Variants in SH3GL3 observed in about 807,000 individuals in gnomAD.
The protein encoded by SH3GL3 is endophilin-A3.
A neutral mutation model predicts 47.7 loss-of-function variants in SH3GL3; 33 were observed. That is an observed-to-expected ratio of 0.69 (90% CI 0.52 to 0.92). The LOEUF (loss-of-function observed/expected upper bound fraction) is 0.92, where lower values mean the gene tolerates loss of function less well. SH3GL3 is among the 40% of genes least tolerant of loss of function. The pLI, the probability that SH3GL3 is intolerant of heterozygous loss-of-function variation, is 0.00. For synonymous variants in SH3GL3, 155 were observed against 148.8 expected (o/e 1.04, Z -0.30); for missense variants, 363 against 417.8 (o/e 0.87, Z 1.14).
At chr15:83,493,796 A>C (rs1039706431) in intron 1 of SH3GL3, among the ~76,000 whole-genome samples, 1 of 152,310 alleles carries the variant, frequency 6.6e-6, no homozygotes, top group African/African-American at 2.4e-5. Flanking sequence ...CTGGAGACAG[A>C]GGTCAGGCCA....
the SH3GL3 span, among the ~76,000 whole-genome samples, chr15:83,631,563 C>T: frequency 6.6e-6 from 1 of 152,248 alleles, no homozygotes; most frequent in Non-Finnish European, 1.5e-5. Flanking sequence ...CCAGGCCCAA[C>T]ACCATGTGTA....
intron 1 of SH3GL3, among the ~76,000 whole-genome samples, 200 bp from the exon 2 acceptor site, chr15:83,559,053 T>C (rs551952943): frequency 3.9e-5 from 6 of 152,350 alleles, no homozygotes; most frequent in African/African-American, 1.2e-4. Flanking sequence ...ATAATAAATA[T>C]CTGTTGACTG....
At chr15:83,523,947 TA>T (rs3078535) in intron 1 of SH3GL3, among the ~76,000 whole-genome samples, 217 of 131,894 alleles carry the variant, frequency 1.6e-3, no homozygotes, top group Middle Eastern at 8.0e-3. Context: ...TTCAGCAATC[TA>T]AAAAAAAAAA....
chr15:83,584,267 C>A (rs1272738920), intron 6 of SH3GL3, among the ~76,000 whole-genome samples: 1 of 152,170 alleles, frequency 6.6e-6, no homozygotes, highest in African/African-American at 2.4e-5. Context: ...GTCATATCTT[C>A]TCTGACCTTG....
intron 8 of SH3GL3, among the ~76,000 whole-genome samples, chr15:83,617,474 C>T (rs1315051093): frequency 2.0e-5 from 3 of 152,138 alleles, no homozygotes; most frequent in South Asian, 2.1e-4. Flanking sequence ...GCCAGGAGTT[C>T]GAGACCAGAC....
At chr15:83,592,435 G>A (rs943717908) in intron 8 of SH3GL3, among the ~76,000 whole-genome samples, 1 of 152,228 alleles carries the variant, frequency 6.6e-6, no homozygotes. Flanking sequence ...CTACTCTTGG[G>A]TCACATAAGT....
chr15:83,527,595 A>G (rs2043481303), intron 1 of SH3GL3, among the ~76,000 whole-genome samples: 1 of 151,934 alleles, frequency 6.6e-6, no homozygotes, highest in Non-Finnish European at 1.5e-5. Context: ...CTTTTAGTTT[A>G]TATGTGTCTT....
intron 1 of SH3GL3, among the ~76,000 whole-genome samples, chr15:83,500,131 G>A (rs2042236299): frequency 6.6e-6 from 1 of 152,192 alleles, no homozygotes; most frequent in South Asian, 2.1e-4. Context: ...CTGAGTCCAG[G>A]CCCTAATCTC....
At chr15:83,457,500 T>C (rs1471078486) in intron 1 of SH3GL3, among the ~76,000 whole-genome samples, 2 of 152,214 alleles carry the variant, frequency 1.3e-5, no homozygotes, top group African/African-American at 2.4e-5. Context: ...CCTGGACGTA[T>C]TCCCTGTAAT....
chr15:83,477,287 A>G (rs1224464186), intron 1 of SH3GL3, among the ~76,000 whole-genome samples: 1 of 152,018 alleles, frequency 6.6e-6, no homozygotes, highest in Non-Finnish European at 1.5e-5. Context: ...CTTCATTTCT[A>G]TCATCTTTTC....
At chr15:83,473,547 G>T (rs961009426) in intron 1 of SH3GL3, among the ~76,000 whole-genome samples, 34 of 151,012 alleles carry the variant, frequency 2.3e-4, no homozygotes, top group African/African-American at 8.2e-4. Flanking sequence ...GACATTTGTT[G>T]GGGCTTTTTT....
At chr15:83,475,903 A>G (rs1466134494) in intron 1 of SH3GL3, among the ~76,000 whole-genome samples, 1 of 152,212 alleles carries the variant, frequency 6.6e-6, no homozygotes, top group Non-Finnish European at 1.5e-5. Context: ...TAAATAAATA[A>G]TTAGGAGTAA....
At chr15:83,506,069 A>G (rs1365419498) in intron 1 of SH3GL3, among the ~76,000 whole-genome samples, 1 of 151,870 alleles carries the variant, frequency 6.6e-6, no homozygotes, top group African/African-American at 2.4e-5. Context: ...CTTTTCCCAT[A>G]TTTGTTTTTT....
chr15:83,597,433 G>A (rs928458752), intron 8 of SH3GL3, among the ~76,000 whole-genome samples: 3 of 152,118 alleles, frequency 2.0e-5, no homozygotes, highest in Admixed American at 2.0e-4. Flanking sequence ...ATAGCTATAG[G>A]TTCTGGGGAT....
At chr15:83,484,312 C>T (rs540786101) in intron 1 of SH3GL3, among the ~76,000 whole-genome samples, 6 of 152,180 alleles carry the variant, frequency 3.9e-5, no homozygotes, top group Non-Finnish European at 7.4e-5. Context: ...TTGAGGAAAT[C>T]GTACTATTGA....
At chr15:83,526,011 T>G (rs2043405783) in intron 1 of SH3GL3, among the ~76,000 whole-genome samples, 1 of 152,206 alleles carries the variant, frequency 6.6e-6, no homozygotes, top group Admixed American at 6.5e-5. Context: ...TGGGCTCTTT[T>G]TTGGTTCCAT....
chr15:83,620,934 T>C (rs756852219), downstream of SH3GL3, among the ~76,000 whole-genome samples: 21 of 152,216 alleles, frequency 1.4e-4, no homozygotes, highest in Non-Finnish European at 1.8e-4. Flanking sequence ...CTGGATAACT[T>C]ACTTCTCCAT....
At chr15:83,571,219 G>C (rs1049819469) in intron 4 of SH3GL3, among the ~76,000 whole-genome samples, 4 of 152,222 alleles carry the variant, frequency 2.6e-5, no homozygotes, top group Non-Finnish European at 2.9e-5. Context: ...TGATTCCAGG[G>C]AGGTGGCGGC....
chr15:83,627,872 G>A, the SH3GL3 span, among the ~76,000 whole-genome samples: 1 of 152,154 alleles, frequency 6.6e-6, no homozygotes, highest in African/African-American at 2.4e-5. Context: ...ATAAAACAAG[G>A]ATTAGAACAA....
Sources: allele counts gnomAD v4.1 joint callset (sites outside exome capture counted in the v4.1 genomes callset), GRCh38; gene constraint gnomAD v4.1.1; transcripts MANE v1.5; gene names NCBI Gene and HGNC (gene_info 2026-07-23, HGNC 2026-07-21).